Variants in SUPT3H observed in about 807,000 individuals in gnomAD.
SUPT3H encodes SPT3 homolog, SAGA and STAGA complex component.
In SUPT3H, 44 loss-of-function variants were observed where a neutral mutation model predicts 44.3. The observed-to-expected ratio is 0.99, with a 90% confidence interval of 0.78 to 1.28. The LOEUF is 1.28. SUPT3H is among the 50% of genes most tolerant of loss of function. The pLI, the probability that SUPT3H is intolerant of heterozygous loss-of-function variation, is 0.00. For synonymous variants in SUPT3H, 124 were observed against 125.6 expected, an observed-to-expected ratio of 0.99 and a Z score of 0.09; for missense variants, 380 against 387.1, an observed-to-expected ratio of 0.98 and a Z score of 0.15.
intron 2 of SUPT3H, among the ~76,000 whole-genome samples, chr6:45,300,455 A>G (rs1781973679): frequency 6.6e-6 from 1 of 152,210 alleles, no homozygotes; most frequent in South Asian, 2.1e-4. Flanking sequence ...GAATCAAAAT[A>G]CTAATACTTC....
intron 2 of SUPT3H, among the ~76,000 whole-genome samples, chr6:45,234,530 C>CAAAAA (rs10713328): frequency 4.7e-5 from 6 of 126,958 alleles, no homozygotes; most frequent in South Asian, 2.5e-4. Flanking sequence ...GACGCTGTCA[C>CAAAAA]AAAAAAAAAA....
At chr6:45,319,148 T>G (rs1785116984) in intron 2 of SUPT3H, among the ~76,000 whole-genome samples, 2 of 152,150 alleles carry the variant, frequency 1.3e-5, no homozygotes, top group Admixed American at 1.3e-4. Flanking sequence ...TGTATATGTG[T>G]GTGTTTCTCT....
downstream of SUPT3H, among the ~76,000 whole-genome samples, chr6:44,823,101 CAAA>C (rs5875894): frequency 7.2e-4 from 82 of 113,172 alleles, no homozygotes; most frequent in African/African-American, 1.7e-3. Context: ...GACTCCGTTT[CAAA>C]AAAAAAAAAA....
At chr6:44,909,140 T>TGC (rs899949050) in intron 10 of SUPT3H, among the ~76,000 whole-genome samples, 2 of 81,204 alleles carry the variant, frequency 2.5e-5, no homozygotes, top group African/African-American at 8.9e-5. Context: ...TGTGTGTGTG[T>TGC]GCGTGTGTGT....
At chr6:45,214,942 C>T (rs553606749) in intron 2 of SUPT3H, among the ~76,000 whole-genome samples, 3 of 152,230 alleles carry the variant, frequency 2.0e-5, no homozygotes, top group East Asian at 1.9e-4. Flanking sequence ...CCAGCAGAGC[C>T]GCTGTGCCCA....
chr6:44,902,218 C>T, intron 10 of SUPT3H, among the ~76,000 whole-genome samples: 1 of 152,122 alleles, frequency 6.6e-6, no homozygotes, highest in Non-Finnish European at 1.5e-5. Context: ...AATTAAAAGA[C>T]ACAGACTGGC....
intron 2 of SUPT3H, among the ~76,000 whole-genome samples, chr6:45,252,096 GA>G (rs1436962203): frequency 1.3e-5 from 2 of 152,208 alleles, no homozygotes; most frequent in East Asian, 3.9e-4. Flanking sequence ...AACAAGAATG[GA>G]TGAGAAAATA....
At chr6:44,977,752 C>T (rs1778536901) in intron 6 of SUPT3H, among the ~76,000 whole-genome samples, 1 of 152,182 alleles carries the variant, frequency 6.6e-6, no homozygotes, top group South Asian at 2.1e-4. Flanking sequence ...AATTTTCTAT[C>T]TGATCAAGTA....
chr6:45,103,706 T>C (rs1798901068), intron 3 of SUPT3H, among the ~76,000 whole-genome samples: 1 of 152,042 alleles, frequency 6.6e-6, no homozygotes, highest in Non-Finnish European at 1.5e-5. Context: ...TGTCAAATGG[T>C]AAAACTTATG....
rs185446171 is a variant in SUPT3H at position 45,114,796 on chromosome 6, A to G, written c.102-8790T>C. 9.9e-3 allele frequency among the ~76,000 whole-genome samples: 1,502 copies of G among 152,316 alleles called. 14 individuals are homozygous for G. Among genetic ancestry groups the G allele is most frequent in the Non-Finnish European group, 0.012 (848 of 67,992 alleles). On this transcript the variant is annotated intron_variant, in intron 2 of 10. Transcript: ENST00000371459. ...AACAGGAAAGATCTATATAGCAATCATTGAATGTTAGGTCAAAAAATAATC... is the reference window on the plus strand; with the variant it reads ...AACAGGAAAGATCTATATAGCAATCGTTGAATGTTAGGTCAAAAAATAATC...
At chr6:44,848,166 C>T (rs1255138623) in intron 10 of SUPT3H, among the ~76,000 whole-genome samples, 3 of 151,328 alleles carry the variant, frequency 2.0e-5, no homozygotes, top group African/African-American at 4.9e-5. Flanking sequence ...GACGGGGTTT[C>T]ACCATGTTGG....
chr6:45,373,170 A>C (rs1363306041), intron 1 of SUPT3H, among the ~76,000 whole-genome samples: 1 of 152,010 alleles, frequency 6.6e-6, no homozygotes, highest in African/African-American at 2.4e-5. Context: ...CATCACTCTT[A>C]GGCTCAAGCA....
downstream of SUPT3H, among the ~76,000 whole-genome samples, chr6:44,822,145 T>C (rs952844855): frequency 1.3e-5 from 2 of 152,178 alleles, no homozygotes; most frequent in African/African-American, 4.8e-5. Flanking sequence ...CATGAACCCC[T>C]TTCTGTAATT....
At position 45,127,086 on chromosome 6, in the gene SUPT3H, C is replaced by T. The variant is rs554187921; in HGVS notation, c.102-21080G>A. Among the ~76,000 whole-genome samples the T allele has an allele frequency of 2.7e-4, 41 of 152,220 alleles. No individual in the cohort carries two copies. The South Asian group carries it at 5.0e-3, about 18-fold the overall frequency. Reference sequence around the variant, plus strand: ...ATCCCAGCACTTTGTGAGGCCAAGACGGGCAGATCATGAGGTCAGGAGTTC... The same window carrying T: ...ATCCCAGCACTTTGTGAGGCCAAGATGGGCAGATCATGAGGTCAGGAGTTC... On this transcript the variant is annotated intron_variant, in intron 2 of 10. Transcript: ENST00000371459.
intron 10 of SUPT3H, among the ~76,000 whole-genome samples, chr6:44,915,767 A>G (rs1767714742): frequency 6.6e-6 from 1 of 152,138 alleles, no homozygotes. Flanking sequence ...AAATCTACCT[A>G]TAACGTGGAA....
In SUPT3H at chr6:45,328,134, G is replaced by A. The variant is rs1786687550; in HGVS notation, c.101+37067C>T. ...TATATCCTTCTGGATGCCAGGAAAG[G>A]CCTTACCACAAGCCTTTTGTGAGAG... On this transcript the variant is annotated intron_variant, in intron 2 of 10. Coordinates refer to ENST00000371459, the MANE Select transcript of SUPT3H (RefSeq NM_003599.4). The A allele has an allele frequency of 8.5e-6, 4 of 468,770 alleles. No homozygotes were observed. In the South Asian group the frequency reaches 9.6e-5, roughly 11 times the overall value. 29.0% of individuals were successfully genotyped at this position (468,770 alleles called of 1,614,324 possible). A position where few individuals can be genotyped will look rare whatever the true frequency, so the allele number is the denominator to read the frequency against.
intron 2 of SUPT3H, among the ~76,000 whole-genome samples, chr6:45,158,204 A>ATAGC (rs1491158213): frequency 9.2e-4 from 38 of 41,502 alleles, no homozygotes; most frequent in African/African-American, 6.8e-3. Context: ...AACCATAGAG[A>ATAGC]TAGATAGATA....
chr6:45,273,800 T>C (rs1776589468), intron 2 of SUPT3H, among the ~76,000 whole-genome samples: 1 of 152,210 alleles, frequency 6.6e-6, no homozygotes, highest in African/African-American at 2.4e-5. Context: ...TGTGGACTTA[T>C]ATTTTCATTT....
intron 3 of SUPT3H, among the ~76,000 whole-genome samples, chr6:45,063,472 G>T (rs1484930455): frequency 2.0e-4 from 29 of 145,884 alleles, no homozygotes; most frequent in African/African-American, 3.9e-4. Flanking sequence ...TGACTTTGAC[G>T]AGCTGAGAGA....
Sources: allele counts gnomAD v4.1 joint callset (sites outside exome capture counted in the v4.1 genomes callset), GRCh38; gene constraint gnomAD v4.1.1; transcripts MANE v1.5; gene names NCBI Gene and HGNC (gene_info 2026-07-23, HGNC 2026-07-21).